The following CNTN3 variants were observed in gnomAD, a reference collection of about 807,000 sequenced individuals.
CNTN3 encodes contactin 3, also known as contactin-3.
In CNTN3, 60 loss-of-function variants were observed where a neutral mutation model predicts 119.1. The ratio of observed to expected loss-of-function variants is 0.50; its 90% confidence interval spans 0.41 to 0.62. The LOEUF is 0.62. Among genes scored for constraint, CNTN3 ranks in the 20% least tolerant of loss-of-function variants. CNTN3 has a pLI of 0.00. For missense variants in CNTN3, 1,101 were observed against 1,242.4 expected (o/e 0.89, Z 1.71); for synonymous variants, 450 against 438.7 (o/e 1.03, Z -0.32).
chr3:74,574,956 C>T (rs942480130), intron 1 of CNTN3, among the ~76,000 whole-genome samples: 2 of 150,188 alleles, frequency 1.3e-5, no homozygotes, highest in Admixed American at 6.6e-5. Context: ...CAGGGTCTTG[C>T]TCTGTCACTG....
chr3:74,351,171 A>C (rs1226192701), intron 11 of CNTN3, among the ~76,000 whole-genome samples: 1 of 152,232 alleles, frequency 6.6e-6, no homozygotes, highest in Non-Finnish European at 1.5e-5. Flanking sequence ...TCTACAGAGA[A>C]GTCATTATAG....
chr3:74,491,142 A>G (rs1387039977), intron 3 of CNTN3, among the ~76,000 whole-genome samples: 1 of 152,178 alleles, frequency 6.6e-6, no homozygotes, highest in Non-Finnish European at 1.5e-5. Flanking sequence ...GTAAGTTCCC[A>G]ATGCAAAATA....
In CNTN3 at chr3:74,357,147, CG is replaced by C. The variant is rs537708689; in HGVS notation, c.1364+4742del. ...TTCACCGTGTTAGCCAGAATGGTCT[CG>C]ATCTCCTGACCTCGTGATCCGCCTG... On this transcript the variant is annotated intron_variant, in intron 11 of 22. Transcript: ENST00000263665. Among the ~76,000 whole-genome samples, 67 of 152,122 alleles carry C rather than the reference CG, an allele frequency of 4.4e-4. 1 individual carries two copies. The highest frequency in any genetic ancestry group is 1.5e-3 in the African/African-American group (62 of 41,458).
At chr3:74,406,700 C>G (rs1705331880) in intron 5 of CNTN3, among the ~76,000 whole-genome samples, 1 of 152,116 alleles carries the variant, frequency 6.6e-6, no homozygotes, top group Middle Eastern at 3.4e-3. Flanking sequence ...TACTTTACTT[C>G]TTTAGCAAAT....
chr3:74,605,301 T>C (rs1456283679), intron 1 of CNTN3, among the ~76,000 whole-genome samples: 6 of 152,104 alleles, frequency 3.9e-5, no homozygotes, highest in African/African-American at 1.4e-4. Flanking sequence ...TTTTTCACCA[T>C]ACAAAAAATA....
At chr3:74,464,552 T>A (rs1201241218) in intron 4 of CNTN3, among the ~76,000 whole-genome samples, 1 of 152,092 alleles carries the variant, frequency 6.6e-6, no homozygotes. Context: ...AGTGCTTACA[T>A]CCTGGTCCAG....
chr3:74,386,701 G>A (rs987196485), intron 5 of CNTN3, among the ~76,000 whole-genome samples: 1 of 152,192 alleles, frequency 6.6e-6, no homozygotes, highest in Non-Finnish European at 1.5e-5. Flanking sequence ...CAGTTTCCTT[G>A]TTTGTAAAAT....
chr3:74,471,587 G>T (rs368085480), intron 4 of CNTN3, among the ~76,000 whole-genome samples: 1 of 152,122 alleles, frequency 6.6e-6, no homozygotes, highest in Non-Finnish European at 1.5e-5. Flanking sequence ...GGCCTCTAAA[G>T]TGCTTGGAAT....
chr3:74,296,866 G>A (rs1401804397), intron 18 of CNTN3, among the ~76,000 whole-genome samples: 1 of 146,746 alleles, frequency 6.8e-6, no homozygotes, highest in Non-Finnish European at 1.5e-5. Flanking sequence ...GTTAGTTTCT[G>A]CCATTTTTTT....
intron 3 of CNTN3, among the ~76,000 whole-genome samples, chr3:74,495,364 G>A (rs1039062300): frequency 1.3e-5 from 2 of 151,996 alleles, no homozygotes; most frequent in African/African-American, 4.8e-5. Context: ...TGCTTAAAAT[G>A]TCATATATAT....
At chr3:74,281,983 C>T (rs1702022625) in intron 20 of CNTN3, among the ~76,000 whole-genome samples, 1 of 152,160 alleles carries the variant, frequency 6.6e-6, no homozygotes, top group East Asian at 1.9e-4. Flanking sequence ...TTATCTCTTG[C>T]AAACTCAACA....
intron 4 of CNTN3, among the ~76,000 whole-genome samples, chr3:74,447,915 G>C (rs1257685613): frequency 1.3e-5 from 2 of 152,104 alleles, no homozygotes; most frequent in Non-Finnish European, 2.9e-5. Flanking sequence ...CAGCTACTAG[G>C]GGAATAACTC....
intron 5 of CNTN3, among the ~76,000 whole-genome samples, chr3:74,411,177 TA>T (rs1256802770): frequency 6.6e-6 from 1 of 151,124 alleles, no homozygotes; most frequent in Non-Finnish European, 1.5e-5. Flanking sequence ...GTCCTATCTT[TA>T]AAAATATTCA....
chr3:74,324,455 T>A (rs557546543), intron 13 of CNTN3, among the ~76,000 whole-genome samples: 16 of 152,138 alleles, frequency 1.1e-4, no homozygotes, highest in African/African-American at 3.9e-4. Flanking sequence ...AGTGCTGGAA[T>A]TACAGGCTGA....
intron 1 of CNTN3, among the ~76,000 whole-genome samples, chr3:74,533,348 A>G (rs982315503): frequency 6.6e-6 from 1 of 151,992 alleles, no homozygotes; most frequent in African/African-American, 2.4e-5. Context: ...GCACTCAGAC[A>G]CATTTAGGAG....
intron 20 of CNTN3, among the ~76,000 whole-genome samples, chr3:74,272,017 TCTC>T (rs1701787397): frequency 6.6e-6 from 1 of 152,114 alleles, no homozygotes; most frequent in African/African-American, 2.4e-5. Context: ...GACCAAAAGT[TCTC>T]CTTTGCATAA....
intron 5 of CNTN3, among the ~76,000 whole-genome samples, chr3:74,416,889 G>C (rs1701532414): frequency 6.6e-6 from 1 of 152,010 alleles, no homozygotes; most frequent in Non-Finnish European, 1.5e-5. Flanking sequence ...TCGGGAGGTT[G>C]AGGCATGAGA....
intron 13 of CNTN3, among the ~76,000 whole-genome samples, chr3:74,306,760 G>C (rs1296471672): frequency 3.9e-5 from 6 of 152,188 alleles, no homozygotes; most frequent in African/African-American, 1.4e-4. Context: ...CATACAAATT[G>C]AGTTCCTTTT....
At chr3:74,555,439 G>A (rs571334609) in intron 1 of CNTN3, among the ~76,000 whole-genome samples, 1 of 152,296 alleles carries the variant, frequency 6.6e-6, no homozygotes, top group East Asian at 1.9e-4. Flanking sequence ...AAATGAGTTA[G>A]GGAGGATTGC....
Sources: gnomAD v4.1 joint callset for allele counts (sites outside exome capture counted in the v4.1 genomes callset) on GRCh38, gnomAD v4.1.1 for gene constraint, MANE v1.5 for transcripts, NCBI Gene and HGNC (gene_info 2026-07-23, HGNC 2026-07-21) for gene names.